Variants in TMED8 observed in about 807,000 individuals in gnomAD.
The protein encoded by TMED8 is protein TMED8.
In TMED8, 15 loss-of-function variants were observed where a neutral mutation model predicts 32.7. That is an observed-to-expected ratio of 0.46 (90% confidence interval 0.31 to 0.71). The LOEUF is 0.71. TMED8 is among the 30% of genes least tolerant of loss of function. The pLI, the probability that TMED8 is intolerant of heterozygous loss-of-function variation, is 0.06. For missense variants in TMED8, 390 were observed against 423.9 expected (o/e 0.92, Z 0.70); for synonymous variants, 147 against 161.4 (o/e 0.91, Z 0.68).
intron 1 of TMED8, among the ~76,000 whole-genome samples, chr14:77,363,033 C>T (rs1893472736): frequency 6.6e-6 from 1 of 152,110 alleles, no homozygotes; most frequent in African/African-American, 2.4e-5. Flanking sequence ...TAGTAGGGGA[C>T]CTCAATATCC....
At chr14:77,360,363 C>A (rs919592901) in intron 1 of TMED8, among the ~76,000 whole-genome samples, 5 of 152,110 alleles carry the variant, frequency 3.3e-5, no homozygotes, top group Non-Finnish European at 7.4e-5. Flanking sequence ...CCACCACCAC[C>A]ACCTCTAGTA....
chr14:77,362,903 G>A (rs1028926657), intron 1 of TMED8, among the ~76,000 whole-genome samples: 2 of 152,144 alleles, frequency 1.3e-5, no homozygotes, highest in East Asian at 1.9e-4. Flanking sequence ...TGATAAATGG[G>A]TCAAGCCATC....
chr14:77,363,306 A>G (rs1893479067), intron 1 of TMED8, among the ~76,000 whole-genome samples: 1 of 152,200 alleles, frequency 6.6e-6, no homozygotes, highest in Non-Finnish European at 1.5e-5. Flanking sequence ...AACAGAGGGA[A>G]TTCAGGGAAA....
At chr14:77,355,674 A>G (rs554488729) in intron 1 of TMED8, among the ~76,000 whole-genome samples, 1 of 152,282 alleles carries the variant, frequency 6.6e-6, no homozygotes, top group Admixed American at 6.5e-5. Context: ...ACAATTACAG[A>G]TTGTTATAGA....
At chr14:77,345,968 C>CAAAAAAAAAAAAAAAAAAAAAA (rs370981070) in intron 3 of TMED8, among the ~76,000 whole-genome samples, 1 of 76,646 alleles carries the variant, frequency 1.3e-5, no homozygotes, top group Non-Finnish European at 2.5e-5. Flanking sequence ...GACCCTGTCT[C>CAAAAAAAAAAAAAAAAAAAAAA]AAAAAAAAAA....
At position 77,336,887 on chromosome 14, in the gene TMED8, C is replaced by T. The variant is rs1892771550; in HGVS notation, c.*4884G>A. On this transcript the variant is annotated 3_prime_UTR_variant, in exon 6 of 6. Transcript: ENST00000216468. ...AAAGCAGACTTTAGAGTCTGGGTTT[C>T]AACTAATTCTCTCAAAGAGGGACTG... 6.6e-6 allele frequency: 1 copy of T among 152,172 alleles called. No homozygotes were observed. Among genetic ancestry groups the T allele is most frequent in the Non-Finnish European group, 1.5e-5 (1 of 68,028 alleles). 9.4% of individuals were successfully genotyped at this position (152,172 alleles called of 1,614,324 possible). A position where few individuals can be genotyped will look rare whatever the true frequency, so the allele number is the denominator to read the frequency against.
Position 77,377,018 on chromosome 14 carries a change from G to C in TMED8, c.36C>G (p.Ser12=). 7.1e-7 allele frequency: 1 copy of C among 1,407,650 alleles called. No individual in the cohort carries two copies. The highest frequency in any genetic ancestry group is 9.2e-7 in the Non-Finnish European group (1 of 1,091,088). The allele number at this position is 1,407,650 out of a possible 1,614,324, so 87.2% of individuals were successfully genotyped here. A position where few individuals can be genotyped will look rare whatever the true frequency, so the allele number is the denominator to read the frequency against. ...ACCCTGGGCGGGCTGTGGGGCTCCAGGAGCCCGGCCCCTCAGCCGCCTGCA... is the reference window on the plus strand; with the variant it reads ...ACCCTGGGCGGGCTGTGGGGCTCCACGAGCCCGGCCCCTCAGCCGCCTGCA... The part of the protein sequence containing the change: ...SDLQAAEGPG[S]WSPTARPGSA... The change falls in exon 1 of 6, where the codon TCC becomes TCG. Residue 12 remains serine (S), a synonymous_variant. Coordinates refer to ENST00000216468, the MANE Select transcript of TMED8 (RefSeq NM_213601.3).
chr14:77,345,735 C>A (rs1450244184), intron 3 of TMED8, among the ~76,000 whole-genome samples: 42 of 149,846 alleles, frequency 2.8e-4, no homozygotes, highest in Admixed American at 2.5e-3. Flanking sequence ...TTTGGGAGGT[C>A]AAGGCGGGTG....
chr14:77,348,513 G>A (rs558922923), intron 2 of TMED8, among the ~76,000 whole-genome samples: 8 of 152,236 alleles, frequency 5.3e-5, no homozygotes, highest in South Asian at 4.1e-4. Flanking sequence ...ATGAGCCACC[G>A]CGCCCGGCTG....
intron 3 of TMED8, among the ~76,000 whole-genome samples, chr14:77,344,371 G>A (rs769778632): frequency 4.6e-5 from 7 of 152,132 alleles, no homozygotes; most frequent in Middle Eastern, 3.2e-3. Flanking sequence ...GCCCACCTCG[G>A]GCTACAGATT....
intron 3 of TMED8, among the ~76,000 whole-genome samples, chr14:77,345,970 A>G (rs1277437399): frequency 7.2e-6 from 1 of 139,096 alleles, no homozygotes; most frequent in Non-Finnish European, 1.5e-5. Context: ...CCCTGTCTCA[A>G]AAAAAAAAAA....
At chr14:77,375,398 A>C (rs943788197) in intron 1 of TMED8, among the ~76,000 whole-genome samples, 5 of 152,192 alleles carry the variant, frequency 3.3e-5, no homozygotes, top group African/African-American at 1.2e-4. Context: ...ACACATGAGA[A>C]CCTAAAGGGG....
intron 3 of TMED8, among the ~76,000 whole-genome samples, 161 bp from the exon 4 acceptor site, chr14:77,343,984 T>C (rs1050766039): frequency 2.6e-5 from 4 of 152,242 alleles, no homozygotes; most frequent in African/African-American, 4.8e-5. Context: ...CAAATAGAAG[T>C]TGCTAATAAA....
rs1309080261 is a variant in TMED8 at position 77,376,927 on chromosome 14, C to A, written c.118+9G>T. 4 of 1,438,838 alleles carry A rather than the reference C, an allele frequency of 2.8e-6. No homozygotes were observed. The highest frequency in any genetic ancestry group is 3.6e-6 in the Non-Finnish European group (4 of 1,100,742). 89.1% of individuals were successfully genotyped at this position (1,438,838 alleles called of 1,614,324 possible). A position where few individuals can be genotyped will look rare whatever the true frequency, so the allele number is the denominator to read the frequency against. ...GGCACCCACCCGCCAGCGCCCCGGC[C>A]TTGCGTACCTGAGGCGGCCGCCTGG... On this transcript the variant is annotated intron_variant, in intron 1 of 5. Coordinates refer to ENST00000216468, the MANE Select transcript of TMED8 (RefSeq NM_213601.3). The surrounding 1 kb of genome is among the most constrained non-coding windows in gnomAD (Gnocchi z 4.0).
intron 4 of TMED8, 101 bp downstream of exon 4, chr14:77,343,596 C>T (rs3815628): frequency 0.37 from 577,119 of 1,578,626 alleles, 109,651 homozygotes; most frequent in East Asian, 0.5. Flanking sequence ...GCTTGACTTC[C>T]TTTCACAAGT....
At chr14:77,346,016 C>T (rs1203603452) in intron 3 of TMED8, among the ~76,000 whole-genome samples, 1 of 142,544 alleles carries the variant, frequency 7.0e-6, no homozygotes, top group Non-Finnish European at 1.5e-5. Flanking sequence ...ATCATAAATA[C>T]TAAATAGATC....
chr14:77,361,369 G>A (rs1201296413), intron 1 of TMED8, among the ~76,000 whole-genome samples: 1 of 152,094 alleles, frequency 6.6e-6, no homozygotes, highest in Non-Finnish European at 1.5e-5. Context: ...TCCTCTTAGT[G>A]CCTTTGTCAA....
chr14:77,354,772 G>A (rs61990320), intron 1 of TMED8, among the ~76,000 whole-genome samples: 6 of 152,114 alleles, frequency 3.9e-5, no homozygotes, highest in African/African-American at 9.7e-5. Context: ...CGGCCAACAC[G>A]GCAAAACCCT....
chr14:77,368,129 G>C (rs943857417), intron 1 of TMED8, among the ~76,000 whole-genome samples: 1 of 152,174 alleles, frequency 6.6e-6, no homozygotes, highest in Non-Finnish European at 1.5e-5. Flanking sequence ...TTGTGTCTTG[G>C]CTACAGTGCA....
Sources: allele counts gnomAD v4.1 joint callset (sites outside exome capture counted in the v4.1 genomes callset), GRCh38; gene constraint gnomAD v4.1.1; non-coding constraint Gnocchi (gnomAD v3.1); transcripts MANE v1.5; gene names NCBI Gene and HGNC (gene_info 2026-07-23, HGNC 2026-07-21).